CR1: variants seen among roughly 807,000 people sequenced by gnomAD.
The protein encoded by CR1 is complement receptor type 1.
In CR1, 116 loss-of-function variants were observed where a neutral mutation model predicts 187.3. That is an observed-to-expected ratio of 0.62 (90% CI 0.53 to 0.72). CR1 has a LOEUF of 0.72. Among genes scored for constraint, CR1 ranks in the 30% least tolerant of loss-of-function variants. CR1 has a pLI of 0.00. For synonymous variants in CR1, 576 were observed against 747.1 expected, an observed-to-expected ratio of 0.77 and a Z score of 3.73; for missense variants, 1,731 against 2,110.7, an observed-to-expected ratio of 0.82 and a Z score of 3.52.
At chr1:207,578,353 G>T in intron 29 of CR1, 150 bp downstream of exon 29, 1 of 1,493,668 alleles carries the variant, frequency 6.7e-7, no homozygotes. Context: ...AAGAATTGGG[G>T]GTGTGCATGC....
At position 207,611,731 on chromosome 1, in the gene CR1, A is replaced by G; in HGVS notation, c.6350A>G (p.Asp2117Gly). Reference protein sequence around the residue: ...LHGEHTLSHQDNFSPGQEVFY... With the variant: ...LHGEHTLSHQGNFSPGQEVFY... Reference sequence around the variant, plus strand: ...GGTGAGCATACCCTAAGCCATCAGGACAACTTTTCACCTGGGCAGGAAGTG... The same window carrying G: ...GGTGAGCATACCCTAAGCCATCAGGGCAACTTTTCACCTGGGCAGGAAGTG... Residue 2117 changes from aspartate to glycine, a missense_variant, in exon 38 of 47, where the codon GAC (aspartate) becomes GGC (glycine). Asp to Gly is a moderately conservative substitution (Grantham distance 94, BLOSUM62 -1). Around this residue, in one of 5 missense-constraint regions of CR1, gnomAD observed 1,312 missense variants for 1,379.6 expected, o/e 0.95. Coordinates refer to ENST00000367049, the MANE Select transcript of CR1 (RefSeq NM_000651.6). The G allele has an allele frequency of 1.2e-6, 2 of 1,613,952 alleles. No homozygotes were observed. Among genetic ancestry groups the G allele is most frequent in the Non-Finnish European group, 1.7e-6 (2 of 1,179,890 alleles).
chr1:207,523,310 G>C (rs1243551541), intron 4 of CR1, among the ~76,000 whole-genome samples: 1 of 152,296 alleles, frequency 6.6e-6, no homozygotes, highest in Non-Finnish European at 1.5e-5. Flanking sequence ...AAACGGAAAA[G>C]AGTAGGAGAA....
chr1:207,622,621 T>C (rs1662346765), intron 44 of CR1, among the ~76,000 whole-genome samples: 1 of 152,184 alleles, frequency 6.6e-6, no homozygotes, highest in Non-Finnish European at 1.5e-5. Context: ...ATGACCTAAA[T>C]ATGTAATTCA....
chr1:207,506,661 A>C, intron 2 of CR1, 53 bp from the exon 3 acceptor site: 1 of 1,506,342 alleles, frequency 6.6e-7, no homozygotes, highest in South Asian at 1.1e-5. Context: ...ATGTACTAAA[A>C]AAAGTTTTTA....
rs559650831 is a variant in CR1 at position 207,592,930 on chromosome 1, A to G, written c.5810+4156A>G. Among the ~76,000 whole-genome samples, 3 of 152,290 alleles carry G rather than the reference A, an allele frequency of 2.0e-5. No homozygotes were observed. In the South Asian group the frequency reaches 6.2e-4, roughly 32 times the overall value. On this transcript the variant is annotated intron_variant, in intron 35 of 46. Transcript: ENST00000367049. ...CAAGGAGAACTACAAACCACTGCTCAAGGAAGTAAGCGAGGACACAAACAA... is the reference window on the plus strand; with the variant it reads ...CAAGGAGAACTACAAACCACTGCTCGAGGAAGTAAGCGAGGACACAAACAA...
intron 39 of CR1, among the ~76,000 whole-genome samples, chr1:207,613,897 T>A (rs757214444): frequency 3.9e-5 from 6 of 152,246 alleles, no homozygotes; most frequent in Admixed American, 2.0e-4. Context: ...TCTGTGAGCC[T>A]CCTCTGGCCT....
chr1:207,526,086 T>G lies in CR1; in HGVS notation c.887-667T>G, dbSNP rs1311942778. ...GCCCTTACAATATGTTGCGTAAATATACACTCTCATCATGGTGACAGTAGG... is the reference window on the plus strand; with the variant it reads ...GCCCTTACAATATGTTGCGTAAATAGACACTCTCATCATGGTGACAGTAGG... On this transcript the variant is annotated intron_variant, in intron 5 of 46. Transcript: ENST00000367049. 3.3e-5 allele frequency among the ~76,000 whole-genome samples: 5 copies of G among 152,112 alleles called. No homozygotes were observed. In the East Asian group the frequency reaches 9.6e-4, roughly 29 times the overall value.
rs544740223 is a variant in CR1 at position 207,609,491 on chromosome 1, C to G, written c.6098C>G (p.Pro2033Arg). Residue 2033 changes from proline to arginine, a missense_variant, in exon 37 of 47, where the codon CCT (proline) becomes CGT (arginine). Pro to Arg is a moderately radical substitution (Grantham distance 103, BLOSUM62 -2). Coordinates refer to ENST00000367049, the MANE Select transcript of CR1 (RefSeq NM_000651.6). The part of the protein sequence containing the change: ...DQVGVWSSPP[P>R]RCISTNKCTA... ...GTTGGTGTTTGGAGCAGCCCTCCCCCTCGGTGTATTTCTACTAATAAATGC... is the reference window on the plus strand; with the variant it reads ...GTTGGTGTTTGGAGCAGCCCTCCCCGTCGGTGTATTTCTACTAATAAATGC... 7.4e-6 allele frequency: 12 copies of G among 1,613,998 alleles called. No homozygotes were observed. The highest frequency in any genetic ancestry group is 2.2e-5 in the South Asian group (2 of 91,082).
chr1:207,520,761 T>C (rs1409774065), intron 4 of CR1, among the ~76,000 whole-genome samples: 1 of 152,212 alleles, frequency 6.6e-6, no homozygotes, highest in Non-Finnish European at 1.5e-5. Flanking sequence ...AAAGTCTCTT[T>C]GGCATTTTTG....
At chr1:207,608,694 T>TA (rs1300885736) in intron 36 of CR1, among the ~76,000 whole-genome samples, 1 of 152,188 alleles carries the variant, frequency 6.6e-6, no homozygotes, top group Non-Finnish European at 1.5e-5. Flanking sequence ...TTATCTTTTA[T>TA]AAAAAAATTT....
rs890736627 is a variant in CR1, at chr1:207,496,513, G to C, written c.121+125G>C. On this transcript the variant is annotated intron_variant, in intron 1 of 46. Coordinates refer to ENST00000367049, the MANE Select transcript of CR1 (RefSeq NM_000651.6). ...CCCGGGTCCGAAGGCAGCGCGATGG[G>C]TGGGCTGAGCGCGCGACCCGGCAGG... is the stretch of plus-strand genomic sequence containing the variant. The C allele has an allele frequency of 4.1e-5, 41 of 990,516 alleles. No homozygotes were observed. In the African/African-American group the frequency reaches 5.2e-4, roughly 13 times the overall value. 61.4% of individuals were successfully genotyped at this position (990,516 alleles called of 1,614,324 possible).
At chr1:207,584,004 T>A (rs976997339) in intron 32 of CR1, among the ~76,000 whole-genome samples, 3 of 151,952 alleles carry the variant, frequency 2.0e-5, no homozygotes, top group Non-Finnish European at 4.4e-5. Flanking sequence ...ATGAAAAAAA[T>A]AAATAAATAA....
intron 3 of CR1, among the ~76,000 whole-genome samples, chr1:207,509,585 A>G (rs1311534546): frequency 6.6e-6 from 1 of 152,146 alleles, no homozygotes; most frequent in East Asian, 1.9e-4. Context: ...TTATCTTTTG[A>G]CTCATATTTA....
intron 46 of CR1, among the ~76,000 whole-genome samples, chr1:207,632,797 C>CAAAAAAAAAAAAAAAAAAAAAA (rs55649027): frequency 9.3e-6 from 1 of 107,658 alleles, no homozygotes; most frequent in African/African-American, 4.4e-5. Context: ...GACTCCGTCT[C>CAAAAAAAAAAAAAAAAAAAAAA]AAAAAAAAAA....
rs12090817 is a variant in CR1, at chr1:207,573,093, C to T, written c.4452-2502C>T. On this transcript the variant is annotated intron_variant, in intron 27 of 46. Transcript: ENST00000367049. ...AGACTTCAGCATACTTGGGGGGAGACACAATTCAACCTATAACAGAGCCCC... is the reference window on the plus strand; with the variant it reads ...AGACTTCAGCATACTTGGGGGGAGATACAATTCAACCTATAACAGAGCCCC... Among the ~76,000 whole-genome samples the T allele has an allele frequency of 2.4e-3, 372 of 151,922 alleles. 5 individuals carry two copies. Among genetic ancestry groups the T allele is most frequent in the African/African-American group, 8.2e-3 (339 of 41,494 alleles).
At chr1:207,574,375 C>T (rs1170517757) in intron 27 of CR1, among the ~76,000 whole-genome samples, 1 of 152,126 alleles carries the variant, frequency 6.6e-6, no homozygotes, top group Non-Finnish European at 1.5e-5. Flanking sequence ...TAGAAGATAG[C>T]ATTTCTCTTG....
At chr1:207,631,353 C>T (rs1662640076) in intron 46 of CR1, among the ~76,000 whole-genome samples, 1 of 152,186 alleles carries the variant, frequency 6.6e-6, no homozygotes, top group Non-Finnish European at 1.5e-5. Flanking sequence ...TAAAGTTTTA[C>T]TGGGGCACAG....
At chr1:207,515,202 C>A (rs1659763381) in intron 4 of CR1, among the ~76,000 whole-genome samples, 1 of 130,074 alleles carries the variant, frequency 7.7e-6, no homozygotes, top group Non-Finnish European at 1.5e-5. Context: ...TATACATATA[C>A]ATATATAGGT....
At chr1:207,594,331 T>C (rs74852170) in intron 35 of CR1, among the ~76,000 whole-genome samples, 1 of 152,276 alleles carries the variant, frequency 6.6e-6, no homozygotes, top group African/African-American at 2.4e-5. Flanking sequence ...GAAACCATCA[T>C]TCTCAGCAAA....
Sources: allele counts gnomAD v4.1 joint callset (sites outside exome capture counted in the v4.1 genomes callset), GRCh38; gene constraint gnomAD v4.1.1; regional missense constraint gnomAD v4.1.1; transcripts MANE v1.5; gene names NCBI Gene and HGNC (gene_info 2026-07-23, HGNC 2026-07-21).